The following ZC3H4 variants were observed in gnomAD, a reference collection of about 807,000 sequenced individuals.
The protein encoded by ZC3H4 is zinc finger CCCH domain-containing protein 4.
A neutral mutation model predicts 108.3 loss-of-function variants in ZC3H4; 13 were observed. That is an observed-to-expected ratio of 0.12 (90% CI 0.08 to 0.19). The LOEUF is 0.19. Among genes scored for constraint, ZC3H4 ranks in the 10% least tolerant of loss-of-function variants. The pLI is 1.00. For synonymous variants in ZC3H4, 917 were observed against 749.6 expected (o/e 1.22, Z -3.65); for missense variants, 1,734 against 1,838.8 (o/e 0.94, Z 1.04).
chr19:47,082,576 G>A (rs1373859025), intron 9 of ZC3H4, among the ~76,000 whole-genome samples: 2 of 152,154 alleles, frequency 1.3e-5, no homozygotes, highest in African/African-American at 4.8e-5. Context: ...GCCTCCCAAA[G>A]CGCTGGGATT....
intron 9 of ZC3H4, among the ~76,000 whole-genome samples, chr19:47,083,262 A>ACTGCACTC (rs1304563968): frequency 7.4e-5 from 11 of 148,806 alleles, no homozygotes; most frequent in African/African-American, 2.7e-4. Context: ...AGATCACACC[A>ACTGCACTC]CTGCACTCCA....
At chr19:47,111,521 A>G (rs2058039123) in intron 2 of ZC3H4, among the ~76,000 whole-genome samples, 1 of 152,108 alleles carries the variant, frequency 6.6e-6, no homozygotes, top group East Asian at 1.9e-4. Context: ...CTCTCCCTAC[A>G]AGGCAGGGAA....
At chr19:47,100,990 A>G (rs373454267) in intron 2 of ZC3H4, among the ~76,000 whole-genome samples, 3 of 151,998 alleles carry the variant, frequency 2.0e-5, no homozygotes, top group East Asian at 3.9e-4. Context: ...GAGCCAACAC[A>G]CGCGGCCTGT....
At position 47,085,388 on chromosome 19, in the gene ZC3H4, T is replaced by A. The variant is rs758636340; in HGVS notation, c.897A>T (p.Gly299=). Residue 299 remains glycine (G), a synonymous_variant, in exon 7 of 15, where the codon GGA becomes GGT. Coordinates refer to ENST00000253048, the MANE Select transcript of ZC3H4 (RefSeq NM_015168.2). ...MDYGESEEPM[G]DDDYDEYSKE... ...TGGAGTACTCGTCATAGTCGTCGTC[T>A]CCCATTGGCTCCTCACTCTCTCCAT... 1 of 1,598,578 alleles carries A rather than the reference T, an allele frequency of 6.3e-7. No homozygotes were observed. Among genetic ancestry groups the A allele is most frequent in the South Asian group, 1.1e-5 (1 of 89,028 alleles).
At position 47,087,552 on chromosome 19, in the gene ZC3H4, T is replaced by C. The variant is rs370436985; in HGVS notation, c.716-1014A>G. Among the ~76,000 whole-genome samples, 19 of 151,296 alleles carry C rather than the reference T, an allele frequency of 1.3e-4. No homozygotes were observed. The South Asian group carries it at 1.5e-3, about 12-fold the overall frequency. Reference sequence around the variant, plus strand: ...GAGTTCGAAACAAGCCTGGCCAACATAGCAAAACCTCATCCCTCATCTCTA... The same window carrying C: ...GAGTTCGAAACAAGCCTGGCCAACACAGCAAAACCTCATCCCTCATCTCTA... On this transcript the variant is annotated intron_variant, in intron 5 of 14. Transcript: ENST00000253048.
In ZC3H4 at chr19:47,066,625, A is replaced by G. The variant is rs2057203454; in HGVS notation, c.3643T>C (p.Tyr1215His). The G allele has an allele frequency of 6.2e-7, 1 of 1,611,156 alleles. No individual in the cohort carries two copies. The highest frequency in any genetic ancestry group is 8.5e-7 in the Non-Finnish European group (1 of 1,179,152). ...GGCCGGGGCCGGTTGTAGCTGTTGTATCTGTCCGTGGGGGTGCCCCCATCA... is the reference window on the plus strand; with the variant it reads ...GGCCGGGGCCGGTTGTAGCTGTTGTGTCTGTCCGTGGGGGTGCCCCCATCA... ...GADGGTPTDR[Y>H]NSYNRPRPKA... Residue 1215 changes from tyrosine to histidine, a missense_variant, in exon 15 of 15, where the codon TAC becomes CAC. Physicochemically the swap from Tyr to His is moderately conservative, Grantham distance 83. Transcript: ENST00000253048.
At chr19:47,093,896 G>C (rs2057777763) in intron 4 of ZC3H4, 74 bp downstream of exon 4, 1 of 1,346,340 alleles carries the variant, frequency 7.4e-7, no homozygotes, top group Non-Finnish European at 1.0e-6. Flanking sequence ...CCAGAACACA[G>C]CAAGTGCTCA....
At chr19:47,107,998 T>C (rs766120736) in intron 2 of ZC3H4, among the ~76,000 whole-genome samples, 2 of 152,202 alleles carry the variant, frequency 1.3e-5, no homozygotes, top group African/African-American at 2.4e-5. Flanking sequence ...CCAGACAAAC[T>C]GGCAGCTTTT....
Position 47,112,492 on chromosome 19 carries a change from C to A in ZC3H4, c.93G>T (p.Pro31=), listed in dbSNP as rs780473229. The change falls in exon 2 of 15, where the codon CCG becomes CCT. Residue 31 remains proline (P), a synonymous_variant. Coordinates refer to ENST00000253048, the MANE Select transcript of ZC3H4 (RefSeq NM_015168.2). ...PPPPSTPSPP[P]CSPDARPATP... is the part of the protein sequence containing the mutation. ...TGGCCGGGCGGGCGTCGGGGGAACA[C>A]GGAGGAGGCGAAGGCGTTGATGGCG... 3.5e-6 allele frequency: 4 copies of A among 1,151,868 alleles called. No individual in the cohort carries two copies. Among genetic ancestry groups the A allele is most frequent in the Non-Finnish European group, 1.1e-6 (1 of 906,902 alleles). 71.4% of individuals were successfully genotyped at this position (1,151,868 alleles called of 1,614,324 possible). A position where few individuals can be genotyped will look rare whatever the true frequency, so the allele number is the denominator to read the frequency against.
rs571444234 is a variant in ZC3H4 at position 47,067,724 on chromosome 19, G to A, written c.2544C>T (p.Arg848=). Residue 848 remains arginine (R), a synonymous_variant, in exon 15 of 15, where the codon CGC becomes CGT. Coordinates refer to ENST00000253048, the MANE Select transcript of ZC3H4 (RefSeq NM_015168.2). This position sits in a 1 kb window ranked among gnomAD's most constrained non-coding sequence, Gnocchi z 6.4. ...TTCCTGTGGGGTGTCCCTTCTGGAGGCGGGGGTCCCCCAGCCCACTGCTGC... is the reference window on the plus strand; with the variant it reads ...TTCCTGTGGGGTGTCCCTTCTGGAGACGGGGGTCCCCCAGCCCACTGCTGC... ...ELSSSGLGDP[R]LQKGHPTGSR... is the part of the protein sequence containing the mutation. 57 of 1,607,246 alleles carry A rather than the reference G, an allele frequency of 3.5e-5. 2 individuals carry two copies. The South Asian group carries it at 3.9e-4, about 11-fold the overall frequency.
At position 47,067,097 on chromosome 19, in the gene ZC3H4, G is replaced by T; in HGVS notation, c.3171C>A (p.Gly1057=). Residue 1057 remains glycine, a synonymous_variant, in exon 15 of 15, where the codon GGC becomes GGA. Coordinates refer to ENST00000253048, the MANE Select transcript of ZC3H4 (RefSeq NM_015168.2). This position sits in a 1 kb window ranked among gnomAD's most constrained non-coding sequence, Gnocchi z 6.4. The part of the protein sequence containing the change: ...SRILKTVNAT[G]SSAAPGSSDK... ...CGCTGGAACCGGGGGCGGCCGAGGA[G>T]CCGGTGGCATTGACTGTCTTGAGGA... The T allele has an allele frequency of 1.2e-6, 2 of 1,611,492 alleles. No individual in the cohort carries two copies. Among genetic ancestry groups the T allele is most frequent in the Non-Finnish European group, 1.7e-6 (2 of 1,178,798 alleles).
intron 11 of ZC3H4, among the ~76,000 whole-genome samples, chr19:47,073,559 C>T (rs1262249171): frequency 6.6e-6 from 1 of 152,140 alleles, no homozygotes; most frequent in Non-Finnish European, 1.5e-5. Flanking sequence ...GCGACAGAGC[C>T]AGACTCCATC....
chr19:47,099,182 G>C (rs570847180), intron 2 of ZC3H4, among the ~76,000 whole-genome samples: 5 of 152,098 alleles, frequency 3.3e-5, no homozygotes, highest in Non-Finnish European at 7.4e-5. Flanking sequence ...AGCCAGGGCC[G>C]GGCGCGGTGG....
In ZC3H4 at chr19:47,096,750, C is replaced by G. The variant is rs529895885; in HGVS notation, c.162-2142G>C. On this transcript the variant is annotated intron_variant, in intron 2 of 14. Coordinates refer to ENST00000253048, the MANE Select transcript of ZC3H4 (RefSeq NM_015168.2). Reference sequence around the variant, plus strand: ...ATAAAGCTGAGAGGGACATGATCACCACCCAGGCCACTAATATTTTAAATG... The same window carrying G: ...ATAAAGCTGAGAGGGACATGATCACGACCCAGGCCACTAATATTTTAAATG... The G allele has an allele frequency of 3.8e-5, 36 of 955,394 alleles. 2 individuals are homozygous for G. In the South Asian group the frequency reaches 1.6e-3, roughly 44 times the overall value. The allele number at this position is 955,394 out of a possible 1,614,324, so 59.2% of individuals were successfully genotyped here. A position where few individuals can be genotyped will look rare whatever the true frequency, so the allele number is the denominator to read the frequency against.
Position 47,072,626 on chromosome 19 carries a change from G to C in ZC3H4, c.1528C>G (p.Pro510Ala), listed in dbSNP as rs774707078. Residue 510 changes from proline to alanine, a missense_variant, in exon 12 of 15, where the codon CCG becomes GCG. Around this residue, in one of 9 missense-constraint regions of ZC3H4, gnomAD observed 66 missense variants for 166.8 expected, o/e 0.40. Transcript: ENST00000253048. This position sits in a 1 kb window ranked among gnomAD's most constrained non-coding sequence, Gnocchi z 5.6. Reference sequence around the variant, plus strand: ...GGCAGGAGGCCCACACCAGGGGGCGGTTTGGGCAGGGGGTTGATGCCCTGC... The same window carrying C: ...GGCAGGAGGCCCACACCAGGGGGCGCTTTGGGCAGGGGGTTGATGCCCTGC... ...KKQGINPLPK[P>A]PPGVGLLPTP... 6.2e-7 allele frequency: 1 copy of C among 1,612,244 alleles called. No individual in the cohort carries two copies.
rs750810709 is a variant in ZC3H4, at chr19:47,093,980, G to A, written c.482C>T (p.Pro161Leu). 2.5e-6 allele frequency: 4 copies of A among 1,613,108 alleles called. No homozygotes were observed. The highest frequency in any genetic ancestry group is 1.7e-5 in the Admixed American group (1 of 59,986). The stretch of plus-strand genomic sequence containing the variant: ...ATGCCAGTCACTCACCGGCGCATAT[G>A]GGGGGCTGTACTCTCTGTACTTGCG... ...GHRKYREYSP[P>L]YAPSHQQYPP... The change falls in exon 4 of 15, where the codon CCA becomes CTA. Residue 161 changes from proline to leucine, a missense_variant. Coordinates refer to ENST00000253048, the MANE Select transcript of ZC3H4 (RefSeq NM_015168.2).
chr19:47,091,267 A>T (rs1466267978), intron 4 of ZC3H4, among the ~76,000 whole-genome samples: 2 of 151,370 alleles, frequency 1.3e-5, no homozygotes, highest in African/African-American at 4.9e-5. Context: ...GCGAAACAAC[A>T]ACTCAAAAAA....
In ZC3H4 at chr19:47,064,442, A is replaced by G. The variant is rs2057168725; in HGVS notation, c.*1914T>C. On this transcript the variant is annotated 3_prime_UTR_variant, in exon 15 of 15. Transcript: ENST00000253048. The stretch of plus-strand genomic sequence containing the variant: ...AATTTTTCTTTAAAAGCTCGGCCTG[A>G]TGGCAAATGAGAATTTCGGGTGAAT... 6.6e-6 allele frequency: 1 copy of G among 152,536 alleles called. No individual in the cohort carries two copies. 9.4% of individuals were successfully genotyped at this position (152,536 alleles called of 1,614,324 possible). A position where few individuals can be genotyped will look rare whatever the true frequency, so the allele number is the denominator to read the frequency against.
At chr19:47,099,241 C>T (rs2057869033) in intron 2 of ZC3H4, among the ~76,000 whole-genome samples, 2 of 152,100 alleles carry the variant, frequency 1.3e-5, no homozygotes, top group Non-Finnish European at 1.5e-5. Context: ...GGGCGGATCA[C>T]CTGAGGTCGG....
Sources: gnomAD v4.1 joint callset for allele counts (sites outside exome capture counted in the v4.1 genomes callset) on GRCh38, gnomAD v4.1.1 for gene constraint, gnomAD v4.1.1 regional missense constraint, Gnocchi (gnomAD v3.1) non-coding constraint, MANE v1.5 for transcripts, NCBI Gene and HGNC (gene_info 2026-07-23, HGNC 2026-07-21) for gene names.